Variants in GLI2 observed in about 807,000 individuals in gnomAD.
The protein encoded by GLI2 is GLI family zinc finger 2, also known as transcription activator GLI2.
In GLI2, 22 loss-of-function variants were observed where a neutral mutation model predicts 78.9. The ratio of observed to expected loss-of-function variants is 0.28; its 90% confidence interval spans 0.20 to 0.40. The LOEUF (loss-of-function observed/expected upper bound fraction) is 0.40. GLI2 is among the 10% of genes least tolerant of loss of function. The pLI is 1.00. For missense variants in GLI2, 2,097 were observed against 2,213.2 expected (o/e 0.95, Z 1.05); for synonymous variants, 974 against 963.7 (o/e 1.01, Z -0.20).
At position 120,990,541 on chromosome 2, in the gene GLI2, C is replaced by T. The variant is rs141573066; in HGVS notation, c.4576C>T (p.Arg1526Cys). 2.9e-5 allele frequency: 47 copies of T among 1,614,008 alleles called. No homozygotes were observed. The East Asian group carries it at 8.2e-4, about 28-fold the overall frequency. The change falls in exon 14 of 14, where the codon CGC becomes TGC. Residue 1526 changes from arginine to cysteine, a missense_variant. Arg to Cys is a radical substitution (Grantham distance 180, BLOSUM62 -3). Around this residue, in one of 5 missense-constraint regions of GLI2, gnomAD observed 1,290 missense variants for 1,261.7 expected, o/e 1.02. Coordinates refer to ENST00000361492, the MANE Select transcript of GLI2 (RefSeq NM_001374353.1). ...LLHSLSQNSS[R>C]LTTPRNSLTL... ...CCACAGCCTCTCCCAGAACTCCTCCCGCCTCACCACCCCCCGAAACTCCTT... is the reference window on the plus strand; with the variant it reads ...CCACAGCCTCTCCCAGAACTCCTCCTGCCTCACCACCCCCCGAAACTCCTT...
At position 120,990,967 on chromosome 2, in the gene GLI2, C is replaced by G. The variant is rs1368066224; in HGVS notation, c.*292C>G. 1 of 390,986 alleles carries G rather than the reference C, an allele frequency of 2.6e-6. No individual in the cohort carries two copies. 24.2% of individuals were successfully genotyped at this position (390,986 alleles called of 1,614,324 possible). A position where few individuals can be genotyped will look rare whatever the true frequency, so the allele number is the denominator to read the frequency against. ...TGGTGCTTACAGGACCGCGCTGTTC[C>G]GGCTTCTTCACGGCTGACATTCGGC... On this transcript the variant is annotated 3_prime_UTR_variant, in exon 14 of 14. Transcript: ENST00000361492.
chr2:120,770,373 A>G (rs945362034), intron 1 of GLI2, among the ~76,000 whole-genome samples: 9 of 152,062 alleles, frequency 5.9e-5, no homozygotes, highest in Non-Finnish European at 1.3e-4. Flanking sequence ...TTCAGGACCC[A>G]TAGGGGTTTA....
intron 2 of GLI2, among the ~76,000 whole-genome samples, chr2:120,851,700 G>T (rs1234906808): frequency 1.3e-5 from 2 of 152,240 alleles, no homozygotes; most frequent in Non-Finnish European, 2.9e-5. Context: ...CGGGCATCAG[G>T]CAGTGGGCTT....
intron 2 of GLI2, among the ~76,000 whole-genome samples, chr2:120,827,333 C>A (rs896142708): frequency 6.6e-6 from 1 of 152,164 alleles, no homozygotes; most frequent in African/African-American, 2.4e-5. Flanking sequence ...GGGATTCATA[C>A]CCATACTGTG....
At chr2:120,959,948 C>T (rs1043660653) in intron 5 of GLI2, among the ~76,000 whole-genome samples, 2 of 152,252 alleles carry the variant, frequency 1.3e-5, no homozygotes, top group Admixed American at 1.3e-4. Flanking sequence ...AGCCCCCATA[C>T]ACATCATCTT....
intron 1 of GLI2, among the ~76,000 whole-genome samples, chr2:120,753,815 G>A (rs982528840): frequency 2.6e-5 from 4 of 151,842 alleles, no homozygotes; most frequent in East Asian, 1.9e-4. Context: ...GGAGAATGGC[G>A]GAAACCCGGG....
rs1682417273 is a variant in GLI2, at chr2:120,737,894, G to A, written c.-31+1609G>A. 1.3e-5 allele frequency among the ~76,000 whole-genome samples: 2 copies of A among 152,228 alleles called. 1 individual carries two copies. Among genetic ancestry groups the A allele is most frequent in the South Asian group, 4.1e-4 (2 of 4,832 alleles). ...AAAATATACAGCGGGGAAAGCGGAG[G>A]AATAGGCGGGTTTGTCACAGGCCTC... On this transcript the variant is annotated intron_variant, in intron 1 of 13. Coordinates refer to ENST00000361492, the MANE Select transcript of GLI2 (RefSeq NM_001374353.1). The surrounding 1 kb of genome is among the most constrained non-coding windows in gnomAD (Gnocchi z 4.3).
chr2:120,819,226 G>A (rs1376239319), intron 2 of GLI2, among the ~76,000 whole-genome samples: 1 of 142,650 alleles, frequency 7.0e-6, no homozygotes, highest in African/African-American at 2.6e-5. Context: ...GTGACAGAGT[G>A]CCACTAATAG....
At chr2:120,919,905 C>T (rs556531794) in intron 2 of GLI2, among the ~76,000 whole-genome samples, 17 of 152,352 alleles carry the variant, frequency 1.1e-4, no homozygotes, top group Non-Finnish European at 1.9e-4. Context: ...CCTTCCTTCC[C>T]GGGCCCACAA....
chr2:120,750,651 T>C (rs1320478541), intron 1 of GLI2, among the ~76,000 whole-genome samples: 1 of 152,240 alleles, frequency 6.6e-6, no homozygotes, highest in South Asian at 2.1e-4. Flanking sequence ...ACTGACTCAT[T>C]TGGGCTCTCG....
chr2:120,905,001 G>C (rs907718185), intron 2 of GLI2, among the ~76,000 whole-genome samples: 3 of 152,202 alleles, frequency 2.0e-5, no homozygotes, highest in African/African-American at 4.8e-5. Flanking sequence ...GACAGTGATT[G>C]AAAAAGGCTT....
Position 120,989,925 on chromosome 2 carries a change from C to T in GLI2, c.3960C>T (p.Tyr1320=). 6.2e-7 allele frequency: 1 copy of T among 1,612,194 alleles called. No homozygotes were observed. The highest frequency in any genetic ancestry group is 8.5e-7 in the Non-Finnish European group (1 of 1,179,612). Residue 1320 remains tyrosine, a synonymous_variant, in exon 14 of 14, where the codon TAC becomes TAT. Coordinates refer to ENST00000361492, the MANE Select transcript of GLI2 (RefSeq NM_001374353.1). Reference sequence around the variant, plus strand: ...CAGCCTCCATGAGCCAGGAGGGCTACCACCAGGTCCCCAGCCTTCTGCCTG... The same window carrying T: ...CAGCCTCCATGAGCCAGGAGGGCTATCACCAGGTCCCCAGCCTTCTGCCTG... The part of the protein sequence containing the change: ...HLAASMSQEG[Y]HQVPSLLPAR...
chr2:120,747,853 T>C (rs1433460615), intron 1 of GLI2, among the ~76,000 whole-genome samples: 2 of 152,222 alleles, frequency 1.3e-5, no homozygotes, highest in Non-Finnish European at 2.9e-5. Flanking sequence ...CACACCAGGC[T>C]GGAAATCTTA....
chr2:120,942,422 G>A (rs976531796), intron 3 of GLI2, among the ~76,000 whole-genome samples: 11 of 152,132 alleles, frequency 7.2e-5, no homozygotes, highest in African/African-American at 2.7e-4. Context: ...CTGTCGCATG[G>A]CCATCTCATC....
At chr2:120,959,286 G>A (rs559662302) in intron 5 of GLI2, among the ~76,000 whole-genome samples, 27 of 152,258 alleles carry the variant, frequency 1.8e-4, no homozygotes, top group African/African-American at 5.8e-4. Flanking sequence ...TGGAGGTAAC[G>A]GGGAAGCATC....
At chr2:120,960,962 G>A (rs1681524568) in intron 5 of GLI2, among the ~76,000 whole-genome samples, 1 of 152,212 alleles carries the variant, frequency 6.6e-6, no homozygotes, top group African/African-American at 2.4e-5. Context: ...GAACCAGTCA[G>A]GGAACCGAGG....
intron 2 of GLI2, among the ~76,000 whole-genome samples, chr2:120,868,332 A>G (rs1688254924): frequency 6.6e-6 from 1 of 152,222 alleles, no homozygotes; most frequent in South Asian, 2.1e-4. Context: ...GAAGGAAACA[A>G]AATCATATCG....
intron 1 of GLI2, among the ~76,000 whole-genome samples, chr2:120,773,261 C>G (rs963865072): frequency 9.2e-5 from 14 of 152,110 alleles, no homozygotes; most frequent in Non-Finnish European, 1.5e-5. Flanking sequence ...AGTCTTAGAG[C>G]GTAGGCCTGT....
rs575779957 is a variant in GLI2 at position 120,869,948 on chromosome 2, A to G, written c.149-57413A>G. The stretch of plus-strand genomic sequence containing the variant: ...AGGGTGCTGCAGAGCTCTCACCAGT[A>G]GGTTTAGTGTTCTGTTTCTCTTTCT... On this transcript the variant is annotated intron_variant, in intron 2 of 13. Coordinates refer to ENST00000361492, the MANE Select transcript of GLI2 (RefSeq NM_001374353.1). Among the ~76,000 whole-genome samples, 199 of 152,192 alleles carry G rather than the reference A, an allele frequency of 1.3e-3. 2 individuals carry two copies. Among genetic ancestry groups the G allele is most frequent in the Admixed American group, 3.7e-3 (56 of 15,300 alleles).
Sources: gnomAD v4.1 joint callset for allele counts (sites outside exome capture counted in the v4.1 genomes callset) on GRCh38, gnomAD v4.1.1 for gene constraint, gnomAD v4.1.1 regional missense constraint, Gnocchi (gnomAD v3.1) non-coding constraint, MANE v1.5 for transcripts, NCBI Gene and HGNC (gene_info 2026-07-23, HGNC 2026-07-21) for gene names.